The following DOCK5 variants were observed in gnomAD, a reference collection of about 807,000 sequenced individuals.
DOCK5 encodes dedicator of cytokinesis protein 5.
DOCK5 carries 142 observed loss-of-function variants against 251.8 expected under a neutral mutation model. That is an observed-to-expected ratio of 0.56 (90% CI 0.49 to 0.65). The LOEUF (loss-of-function observed/expected upper bound fraction) is 0.65, where lower values mean the gene tolerates loss of function less well. Among genes scored for constraint, DOCK5 ranks in the 30% least tolerant of loss-of-function variants. DOCK5 has a pLI of 0.00. For synonymous variants in DOCK5, 842 were observed against 835.5 expected (o/e 1.01, Z -0.13); for missense variants, 2,111 against 2,312.3 (o/e 0.91, Z 1.79).
At chr8:25,197,648 A>G (rs1391524408) in intron 1 of DOCK5, among the ~76,000 whole-genome samples, 14 of 131,466 alleles carry the variant, frequency 1.1e-4, no homozygotes, top group Non-Finnish European at 1.1e-4. Context: ...CAATGGCGTG[A>G]TCTCGGCTCA....
chr8:25,311,156 A>G (rs1805082720), intron 13 of DOCK5, among the ~76,000 whole-genome samples: 1 of 152,174 alleles, frequency 6.6e-6, no homozygotes, highest in Non-Finnish European at 1.5e-5. Flanking sequence ...CGCCCATTTA[A>G]TTTTAATCTC....
At chr8:25,200,778 G>A (rs973905136) in intron 1 of DOCK5, among the ~76,000 whole-genome samples, 81 of 152,170 alleles carry the variant, frequency 5.3e-4, no homozygotes, top group African/African-American at 1.9e-3. Context: ...TTCAATAAAG[G>A]GCAAAATAAA....
intron 6 of DOCK5, among the ~76,000 whole-genome samples, chr8:25,294,833 G>A (rs1217239822): frequency 1.3e-5 from 2 of 152,186 alleles, no homozygotes; most frequent in African/African-American, 4.8e-5. Context: ...AAGCAAGCAC[G>A]TCTTACATGG....
At chr8:25,374,537 AAT>A in intron 36 of DOCK5, 25 bp from the exon 37 acceptor site, 1 of 1,585,890 alleles carries the variant, frequency 6.3e-7, no homozygotes, top group Non-Finnish European at 8.6e-7. Context: ...CGAGTGACAA[AAT>A]GCTTCCTTCT....
At chr8:25,399,624 C>T (rs561459930) in intron 45 of DOCK5, among the ~76,000 whole-genome samples, 2 of 152,212 alleles carry the variant, frequency 1.3e-5, no homozygotes, top group East Asian at 1.9e-4. Context: ...TAACGAATGA[C>T]GTTTTGCTTT....
At chr8:25,238,918 A>G (rs1802869428) in intron 1 of DOCK5, among the ~76,000 whole-genome samples, 1 of 152,246 alleles carries the variant, frequency 6.6e-6, no homozygotes, top group Non-Finnish European at 1.5e-5. Context: ...GGCCCCAATC[A>G]TAGGGATTTC....
chr8:25,187,315 A>G (rs1273226372), intron 1 of DOCK5, among the ~76,000 whole-genome samples: 2 of 148,466 alleles, frequency 1.3e-5, no homozygotes, highest in Non-Finnish European at 3.0e-5. Context: ...ATATATGCGT[A>G]TATGTGTGTG....
In DOCK5 at chr8:25,412,930, G is replaced by A. The variant is rs373671596; in HGVS notation, c.*1632G>A. The A allele has an allele frequency of 1.3e-5, 2 of 152,140 alleles. No homozygotes were observed. The highest frequency in any genetic ancestry group is 2.9e-5 in the Non-Finnish European group (2 of 68,036). The allele number at this position is 152,140 out of a possible 1,614,324, so 9.4% of individuals were successfully genotyped here. On this transcript the variant is annotated 3_prime_UTR_variant, in exon 52 of 52. Coordinates refer to ENST00000276440, the MANE Select transcript of DOCK5 (RefSeq NM_024940.8). ...GAAATGAGTATGCAGATTCTGGAAG[G>A]GGTGTGGAAAAGGTGATCCTTTACC...
chr8:25,336,999 TA>T (rs1266963232), intron 22 of DOCK5, among the ~76,000 whole-genome samples: 1 of 152,154 alleles, frequency 6.6e-6, no homozygotes, highest in Non-Finnish European at 1.5e-5. Flanking sequence ...TATGTATTTT[TA>T]AAAGAAACTT....
chr8:25,246,938 G>GTA (rs1440044535), intron 2 of DOCK5, among the ~76,000 whole-genome samples: 1 of 151,908 alleles, frequency 6.6e-6, no homozygotes, highest in African/African-American at 2.4e-5. Context: ...CCTAGCTGGA[G>GTA]TACAGTAGTG....
At chr8:25,409,852 A>T (rs1461768030) in intron 50 of DOCK5, 1 of 347,830 alleles carries the variant, frequency 2.9e-6, no homozygotes, top group Non-Finnish European at 5.3e-6. Flanking sequence ...TCTCAAAAAA[A>T]CAAAAATAAA....
chr8:25,269,276 T>C (rs902677263), intron 3 of DOCK5, among the ~76,000 whole-genome samples: 7 of 152,188 alleles, frequency 4.6e-5, no homozygotes, highest in Non-Finnish European at 1.0e-4. Context: ...CATTTCCACT[T>C]GATCCTTTCC....
intron 37 of DOCK5, chr8:25,375,177 C>A: frequency 4.7e-6 from 1 of 214,784 alleles, no homozygotes; most frequent in Non-Finnish European, 8.6e-6. Flanking sequence ...CTGAACAAGG[C>A]GGTAACAGGA....
intron 11 of DOCK5, 56 bp from the exon 12 acceptor site, chr8:25,308,727 C>T: frequency 6.3e-7 from 1 of 1,593,244 alleles, no homozygotes; most frequent in Non-Finnish European, 8.6e-7. Context: ...TGAGGTTGTG[C>T]TGCAGAGACT....
At chr8:25,321,898 C>G (rs758804519) in intron 16 of DOCK5, among the ~76,000 whole-genome samples, 1 of 152,114 alleles carries the variant, frequency 6.6e-6, no homozygotes, top group Non-Finnish European at 1.5e-5. Flanking sequence ...GTTCACAATG[C>G]GTGTTGCCAT....
chr8:25,208,752 G>C (rs1029079714), intron 1 of DOCK5, among the ~76,000 whole-genome samples: 33 of 152,108 alleles, frequency 2.2e-4, no homozygotes, highest in African/African-American at 7.7e-4. Flanking sequence ...GCACAGTCTG[G>C]AACCAAATCC....
At chr8:25,296,915 A>G (rs940702070) in intron 7 of DOCK5, among the ~76,000 whole-genome samples, 4 of 152,206 alleles carry the variant, frequency 2.6e-5, no homozygotes, top group Non-Finnish European at 4.4e-5. Context: ...CAAAAAATGT[A>G]TATAAATCTA....
Position 25,224,911 on chromosome 8 carries a change from A to G in DOCK5, c.44-18763A>G, listed in dbSNP as rs1563314372. On this transcript the variant is annotated intron_variant, in intron 1 of 51. Coordinates refer to ENST00000276440, the MANE Select transcript of DOCK5 (RefSeq NM_024940.8). ...TAACCATCAAAAAACCTCATAACTC[A>G]ATTAACAAATGGGCAAAAAACTTGA... Among the ~76,000 whole-genome samples, 3 of 152,350 alleles carry G rather than the reference A, an allele frequency of 2.0e-5. 1 individual carries two copies. In the South Asian group the frequency reaches 6.2e-4, roughly 32 times the overall value.
intron 7 of DOCK5, among the ~76,000 whole-genome samples, chr8:25,297,376 G>T (rs1383792653): frequency 2.0e-5 from 3 of 151,980 alleles, no homozygotes; most frequent in Non-Finnish European, 4.4e-5. Flanking sequence ...TCCTGCCTCA[G>T]CCTTCCGAGT....
Sources: allele counts gnomAD v4.1 joint callset (sites outside exome capture counted in the v4.1 genomes callset), GRCh38; gene constraint gnomAD v4.1.1; transcripts MANE v1.5; gene names NCBI Gene and HGNC (gene_info 2026-07-23, HGNC 2026-07-21).